Variants in SUPT3H observed in about 807,000 individuals in gnomAD.
SUPT3H encodes SPT3 homolog, SAGA and STAGA complex component, also known as transcription initiation protein SPT3 homolog.
SUPT3H carries 44 observed loss-of-function variants against 44.3 expected under a neutral mutation model. That is an observed-to-expected ratio of 0.99 (90% CI 0.78 to 1.28). SUPT3H has a LOEUF of 1.28. Ranked by LOEUF, SUPT3H falls within the 50% of genes most tolerant of loss-of-function variation. SUPT3H has a pLI of 0.00. For synonymous variants in SUPT3H, 124 were observed against 125.6 expected (o/e 0.99, Z 0.09); for missense variants, 380 against 387.1 (o/e 0.98, Z 0.15).
chr6:45,327,194 C>T (rs149402410), intron 2 of SUPT3H, among the ~76,000 whole-genome samples: 51 of 151,976 alleles, frequency 3.4e-4, no homozygotes, highest in African/African-American at 9.2e-4. Flanking sequence ...CAAATCGAGA[C>T]GACTAACATA....
chr6:45,300,622 G>T (rs1781996995), intron 2 of SUPT3H, among the ~76,000 whole-genome samples: 1 of 152,146 alleles, frequency 6.6e-6, no homozygotes, highest in Non-Finnish European at 1.5e-5. Flanking sequence ...CGGCTTAATG[G>T]GTTTGGAGTT....
intron 2 of SUPT3H, among the ~76,000 whole-genome samples, chr6:45,279,761 A>G (rs1277876716): frequency 6.6e-6 from 1 of 152,208 alleles, no homozygotes; most frequent in Non-Finnish European, 1.5e-5. Flanking sequence ...AATACAATGT[A>G]TTTATACAAA....
At chr6:45,215,501 G>T (rs112334952) in intron 2 of SUPT3H, among the ~76,000 whole-genome samples, 3,937 of 151,934 alleles carry the variant, frequency 0.026, 185 homozygotes, top group African/African-American at 0.089. Flanking sequence ...AAATATCGGG[G>T]AAAAAAATCT....
At chr6:45,010,807 C>T (rs1029041188) in intron 5 of SUPT3H, among the ~76,000 whole-genome samples, 7 of 152,098 alleles carry the variant, frequency 4.6e-5, no homozygotes, top group Admixed American at 1.3e-4. Context: ...GGGAATTAGG[C>T]TTCAACATAT....
chr6:44,926,875 G>A (rs899706568), intron 10 of SUPT3H, among the ~76,000 whole-genome samples: 2 of 151,964 alleles, frequency 1.3e-5, no homozygotes, highest in Non-Finnish European at 2.9e-5. Context: ...AATATTCAAC[G>A]CTGATTTGAG....
chr6:45,166,892 A>G (rs1809972108), intron 2 of SUPT3H, among the ~76,000 whole-genome samples: 1 of 152,226 alleles, frequency 6.6e-6, no homozygotes, highest in Non-Finnish European at 1.5e-5. Flanking sequence ...TGACGAAGAT[A>G]TGAGTAACTA....
chr6:45,136,986 G>A (rs905649543), intron 2 of SUPT3H, among the ~76,000 whole-genome samples: 1 of 152,106 alleles, frequency 6.6e-6, no homozygotes, highest in Non-Finnish European at 1.5e-5. Flanking sequence ...CCAAAAGAGA[G>A]ATTATTGACA....
chr6:45,236,050 C>T (rs1396606652), intron 2 of SUPT3H, among the ~76,000 whole-genome samples: 1 of 152,148 alleles, frequency 6.6e-6, no homozygotes, highest in Non-Finnish European at 1.5e-5. Flanking sequence ...AATCTGTAAT[C>T]TATAGAAACA....
At chr6:44,881,320 T>C (rs1457264129) in intron 10 of SUPT3H, among the ~76,000 whole-genome samples, 2 of 152,154 alleles carry the variant, frequency 1.3e-5, no homozygotes, top group African/African-American at 4.8e-5. Flanking sequence ...AAGGGATCAA[T>C]GCAACAAGAA....
chr6:45,180,103 A>G (rs1812847401), intron 2 of SUPT3H, among the ~76,000 whole-genome samples: 1 of 140,370 alleles, frequency 7.1e-6, no homozygotes, highest in African/African-American at 2.7e-5. Context: ...ATCATGAGTG[A>G]ACTCCCATTC....
intron 2 of SUPT3H, among the ~76,000 whole-genome samples, chr6:45,260,325 T>A (rs9463080): frequency 0.12 from 18,447 of 152,078 alleles, 1,289 homozygotes; most frequent in African/African-American, 0.19. Context: ...TTTTGGTAGG[T>A]ATTAAAGGGT....
intron 2 of SUPT3H, among the ~76,000 whole-genome samples, chr6:45,241,534 G>T (rs534271585): frequency 6.6e-6 from 1 of 151,990 alleles, no homozygotes; most frequent in Admixed American, 6.6e-5. Flanking sequence ...AATGTTTATC[G>T]CTGGCTTGAG....
downstream of SUPT3H, among the ~76,000 whole-genome samples, chr6:44,823,824 G>T (rs909935107): frequency 3.3e-5 from 5 of 152,012 alleles, no homozygotes; most frequent in Admixed American, 6.6e-5. Context: ...TTAGCTGGGC[G>T]TGGTGGCAGG....
chr6:44,926,016 T>C (rs765397097), intron 10 of SUPT3H, among the ~76,000 whole-genome samples: 1 of 152,062 alleles, frequency 6.6e-6, no homozygotes, highest in Non-Finnish European at 1.5e-5. Context: ...AGGTAGTACA[T>C]ACAAAACATT....
chr6:45,375,457 A>G (rs1366720853), intron 1 of SUPT3H, among the ~76,000 whole-genome samples: 2 of 152,226 alleles, frequency 1.3e-5, no homozygotes, highest in Non-Finnish European at 2.9e-5. Flanking sequence ...TTTGTATATT[A>G]TGAGCTATTC....
At chr6:45,165,166 T>G (rs983433852) in intron 2 of SUPT3H, among the ~76,000 whole-genome samples, 1 of 152,184 alleles carries the variant, frequency 6.6e-6, no homozygotes, top group African/African-American at 2.4e-5. Context: ...TCCCTGTCTG[T>G]GGTGCAACCC....
At chr6:45,071,641 C>A in intron 3 of SUPT3H, among the ~76,000 whole-genome samples, 1 of 152,176 alleles carries the variant, frequency 6.6e-6, no homozygotes, top group Non-Finnish European at 1.5e-5. Flanking sequence ...TATTAGGGTG[C>A]ACTCCAGTTT....
At chr6:44,816,246 G>A (rs1165874247) in intron 11 of SUPT3H, among the ~76,000 whole-genome samples, 1 of 152,032 alleles carries the variant, frequency 6.6e-6, no homozygotes, top group African/African-American at 2.4e-5. Context: ...AAACTGAAAA[G>A]GAAGAATAAA....
chr6:45,281,150 C>A (rs1404790878), intron 2 of SUPT3H, among the ~76,000 whole-genome samples: 1 of 152,168 alleles, frequency 6.6e-6, no homozygotes, highest in Non-Finnish European at 1.5e-5. Context: ...CTCCAGTCTA[C>A]AGCTCCCAGC....
Sources: gnomAD v4.1 joint callset for allele counts (sites outside exome capture counted in the v4.1 genomes callset) on GRCh38, gnomAD v4.1.1 for gene constraint, MANE v1.5 for transcripts, NCBI Gene and HGNC (gene_info 2026-07-23, HGNC 2026-07-21) for gene names.